NAV3: variants seen among roughly 807,000 people sequenced by gnomAD.
NAV3 encodes the protein pore membrane and/or filament interacting like protein 1.
Under a neutral mutation model 244.7 loss-of-function variants are expected in NAV3, and 87 were observed. That is an observed-to-expected ratio of 0.36 (90% CI 0.30 to 0.42). NAV3 has a LOEUF of 0.42. NAV3 is among the 20% of genes least tolerant of loss of function. The pLI, the probability that NAV3 is intolerant of heterozygous loss-of-function variation, is 1.00. For missense variants in NAV3, 2,663 were observed against 2,893.3 expected (o/e 0.92, Z 1.83); for synonymous variants, 1,126 against 1,042.2 (o/e 1.08, Z -1.55).
chr12:77,726,299 C>G (rs1876875209), intron 2 of NAV3, among the ~76,000 whole-genome samples: 1 of 151,930 alleles, frequency 6.6e-6, no homozygotes, highest in South Asian at 2.1e-4. Flanking sequence ...CCACAGAACA[C>G]TACAAGGAAA....
At chr12:77,900,879 G>A (rs1885206711) in intron 1 of NAV3, among the ~76,000 whole-genome samples, 1 of 151,926 alleles carries the variant, frequency 6.6e-6, no homozygotes, top group South Asian at 2.1e-4. Context: ...TTTCTCTGCA[G>A]CCTTGCTAGC....
At chr12:77,593,691 G>T (rs1209604483) in intron 2 of NAV3, among the ~76,000 whole-genome samples, 1 of 149,670 alleles carries the variant, frequency 6.7e-6, no homozygotes, top group East Asian at 2.0e-4. Flanking sequence ...GGCCAGGGTG[G>T]TATAGATCTC....
chr12:77,872,743 G>C (rs533295229), intron 1 of NAV3, among the ~76,000 whole-genome samples: 1 of 152,162 alleles, frequency 6.6e-6, no homozygotes, highest in Non-Finnish European at 1.5e-5. Flanking sequence ...TTACATTTCG[G>C]AACTCTATAT....
intron 2 of NAV3, among the ~76,000 whole-genome samples, chr12:77,582,072 A>C (rs2136680168): frequency 6.6e-6 from 1 of 152,330 alleles, no homozygotes; most frequent in African/African-American, 2.4e-5. Context: ...CACATGAGGG[A>C]CAGGGACTTT....
chr12:77,918,427 C>A (rs1887375562), intron 1 of NAV3, among the ~76,000 whole-genome samples: 1 of 152,082 alleles, frequency 6.6e-6, no homozygotes, highest in South Asian at 2.1e-4. Flanking sequence ...TACTGATTTT[C>A]TTAGCACACC....
chr12:78,059,057 G>C lies in NAV3; in HGVS notation c.2578G>C (p.Ala860Pro), dbSNP rs2137407381. ...AAGTCTGAACCGAATACCAGACACA[G>C]CAACTTCCCGGGACATCATCCAGAG... is the stretch of plus-strand genomic sequence containing the variant. ...TRSLNRIPDTATSRDIIQRGV... is the reference protein window; with the variant it reads ...TRSLNRIPDTPTSRDIIQRGV... The change falls in exon 12 of 40, where the codon GCA (alanine) becomes CCA (proline). Residue 860 changes from alanine (A) to proline (P), a missense_variant. Transcript: ENST00000397909. 1.2e-6 allele frequency: 2 copies of C among 1,612,176 alleles called. No homozygotes were observed. The highest frequency in any genetic ancestry group is 1.7e-6 in the Non-Finnish European group (2 of 1,178,946).
chr12:77,645,091 G>C (rs1278850048), intron 2 of NAV3, among the ~76,000 whole-genome samples: 1 of 152,056 alleles, frequency 6.6e-6, no homozygotes, highest in Admixed American at 6.6e-5. Flanking sequence ...ACCCACGTCT[G>C]TTAGGCCATG....
intron 11 of NAV3, among the ~76,000 whole-genome samples, chr12:78,055,915 G>C (rs768687038): frequency 2.0e-5 from 3 of 152,150 alleles, no homozygotes; most frequent in Non-Finnish European, 4.4e-5. Context: ...TATAGACTTT[G>C]TCCTTCTTAT....
intron 12 of NAV3, among the ~76,000 whole-genome samples, chr12:78,076,558 A>C (rs902042109): frequency 6.6e-6 from 1 of 152,068 alleles, no homozygotes; most frequent in Non-Finnish European, 1.5e-5. Context: ...ATTATTTCGA[A>C]AGTATTTATT....
At chr12:78,209,855 A>C (rs1018319268) in intron 39 of NAV3, among the ~76,000 whole-genome samples, 1 of 152,070 alleles carries the variant, frequency 6.6e-6, no homozygotes, top group African/African-American at 2.4e-5. Context: ...TCAAACACTC[A>C]TGGTCTGCTT....
intron 28 of NAV3, 110 bp from the exon 29 acceptor site, chr12:78,179,419 C>T (rs973313612): frequency 1.5e-6 from 2 of 1,302,914 alleles, no homozygotes; most frequent in South Asian, 1.4e-5. Context: ...AGCAGCACAC[C>T]ATATCTGTAC....
intron 2 of NAV3, among the ~76,000 whole-genome samples, chr12:77,654,679 C>T (rs1464427295): frequency 2.6e-5 from 4 of 152,200 alleles, no homozygotes; most frequent in Admixed American, 2.6e-4. Context: ...CCCCTGACCC[C>T]TGAGCAGCCT....
chr12:78,152,416 C>T (rs907331771), intron 22 of NAV3, among the ~76,000 whole-genome samples: 10 of 151,284 alleles, frequency 6.6e-5, no homozygotes, highest in African/African-American at 2.2e-4. Context: ...TTGTATATAT[C>T]TGAACATTTT....
chr12:77,811,844 A>C (rs1378445978), intron 2 of NAV3, among the ~76,000 whole-genome samples: 1 of 152,214 alleles, frequency 6.6e-6, no homozygotes, highest in Non-Finnish European at 1.5e-5. Context: ...AAGCATTTTA[A>C]AGTGAACAAT....
intron 2 of NAV3, among the ~76,000 whole-genome samples, chr12:77,661,855 G>T (rs1331774663): frequency 6.6e-6 from 1 of 151,952 alleles, no homozygotes; most frequent in African/African-American, 2.4e-5. Context: ...TATAAAATGT[G>T]AATATATTTC....
intron 5 of NAV3, among the ~76,000 whole-genome samples, chr12:77,979,832 G>T (rs1231817216): frequency 6.6e-6 from 1 of 151,974 alleles, no homozygotes; most frequent in Non-Finnish European, 1.5e-5. Flanking sequence ...AAATGCCAGA[G>T]ATTTGGTCTA....
At chr12:78,062,569 T>C (rs1884472814) in intron 12 of NAV3, among the ~76,000 whole-genome samples, 1 of 152,132 alleles carries the variant, frequency 6.6e-6, no homozygotes, top group African/African-American at 2.4e-5. Flanking sequence ...TCCATGAGCT[T>C]TTTTATCACT....
chr12:78,048,298 G>T (rs926863218), intron 9 of NAV3, among the ~76,000 whole-genome samples: 4 of 152,014 alleles, frequency 2.6e-5, no homozygotes, highest in African/African-American at 7.2e-5. Flanking sequence ...GAGGCATTCT[G>T]GTTTTTGGAA....
intron 36 of NAV3, chr12:78,199,084 G>A: frequency 1.7e-6 from 1 of 596,866 alleles, no homozygotes; most frequent in Non-Finnish European, 3.1e-6. Context: ...TCAGCATTTA[G>A]ACTCCCACTC....
Sources: allele counts gnomAD v4.1 joint callset (sites outside exome capture counted in the v4.1 genomes callset), GRCh38; gene constraint gnomAD v4.1.1; transcripts MANE v1.5; gene names NCBI Gene and HGNC (gene_info 2026-07-23, HGNC 2026-07-21).